The following IPO9 variants were observed in gnomAD, a reference collection of about 807,000 sequenced individuals.
IPO9 encodes importin-9.
Under a neutral mutation model 128.6 loss-of-function variants are expected in IPO9, and 28 were observed. The ratio of observed to expected loss-of-function variants is 0.22; its 90% CI spans 0.16 to 0.30. The LOEUF is 0.30. Ranked by LOEUF, IPO9 falls within the 10% of genes least tolerant of loss-of-function variation. The probability of loss-of-function intolerance (pLI) is 1.00; values close to 1 mark genes in which losing one functional copy is unlikely to be tolerated. For missense variants in IPO9, 935 were observed against 1,293.9 expected, an observed-to-expected ratio of 0.72 and a Z score of 4.26; for synonymous variants, 455 against 475.8, an observed-to-expected ratio of 0.96 and a Z score of 0.57.
Position 201,871,179 on chromosome 1 carries a change from G to C in IPO9, c.2428G>C (p.Ala810Pro). The C allele has an allele frequency of 6.2e-7, 1 of 1,613,032 alleles. No homozygotes were observed. ...CTCCTAGTCCCTGATCATGGTGTTC[G>C]CTCATCTGGTGCACACTCAGCTAGA... is the stretch of plus-strand genomic sequence containing the variant. The part of the protein sequence containing the change: ...SVMQSLIMVF[A>P]HLVHTQLEPL... Residue 810 changes from alanine (A) to proline (P), a missense_variant, in exon 19 of 24, where the codon GCT becomes CCT. Around this residue, in one of 3 missense-constraint regions of IPO9, gnomAD observed 741 missense variants for 1,019.1 expected, o/e 0.73. Coordinates refer to ENST00000361565, the MANE Select transcript of IPO9 (RefSeq NM_018085.5).
At chr1:201,832,011 C>G (rs1304871575) in intron 1 of IPO9, among the ~76,000 whole-genome samples, 1 of 151,852 alleles carries the variant, frequency 6.6e-6, no homozygotes, top group Non-Finnish European at 1.5e-5. Flanking sequence ...AAGCAATTCT[C>G]CTGCCTCAGC....
chr1:201,877,377 C>T lies in IPO9; in HGVS notation c.*1323C>T, dbSNP rs947579034. 6 of 152,120 alleles carry T rather than the reference C, an allele frequency of 3.9e-5. No homozygotes were observed. Among genetic ancestry groups the T allele is most frequent in the Non-Finnish European group, 7.3e-5 (5 of 68,052 alleles). The allele number at this position is 152,120 out of a possible 1,614,324, so 9.4% of individuals were successfully genotyped here. ...ATTAGCTGGGCATGGTGGTGCATGC[C>T]TGTAATCCCAGTTAACTTGAGATGC... is the stretch of plus-strand genomic sequence containing the variant. On this transcript the variant is annotated 3_prime_UTR_variant, in exon 24 of 24. Transcript: ENST00000361565.
intron 4 of IPO9, among the ~76,000 whole-genome samples, chr1:201,849,722 G>A (rs765247887): frequency 6.6e-6 from 1 of 152,220 alleles, no homozygotes; most frequent in African/African-American, 2.4e-5. Context: ...TCAGACCCCA[G>A]CTGCCTTTTT....
At position 201,850,256 on chromosome 1, in the gene IPO9, G is replaced by A. The variant is rs12045460; in HGVS notation, c.514+1662G>A. ...AGCCAAGCCCCATTCCCAAATACTTGCTCCAAATATTTTCAAACGAGAGTA... is the reference window on the plus strand; with the variant it reads ...AGCCAAGCCCCATTCCCAAATACTTACTCCAAATATTTTCAAACGAGAGTA... On this transcript the variant is annotated intron_variant, in intron 4 of 23. Coordinates refer to ENST00000361565, the MANE Select transcript of IPO9 (RefSeq NM_018085.5). 2.5e-4 allele frequency among the ~76,000 whole-genome samples: 38 copies of A among 152,276 alleles called. No homozygotes were observed. The East Asian group carries it at 6.7e-3, about 27-fold the overall frequency.
chr1:201,871,696 A>ATTTC (rs1179107562), intron 19 of IPO9, among the ~76,000 whole-genome samples: 1 of 151,766 alleles, frequency 6.6e-6, no homozygotes, highest in Non-Finnish European at 1.5e-5. Flanking sequence ...CCTGACACAT[A>ATTTC]TTTCTTTTTT....
chr1:201,867,450 A>G (rs1231898246), intron 15 of IPO9, among the ~76,000 whole-genome samples: 2 of 152,178 alleles, frequency 1.3e-5, no homozygotes, highest in Non-Finnish European at 2.9e-5. Flanking sequence ...AATACTGTGC[A>G]GCCATTAAAA....
intron 14 of IPO9, among the ~76,000 whole-genome samples, chr1:201,863,944 A>T (rs1011355166): frequency 3.9e-5 from 6 of 152,258 alleles, no homozygotes; most frequent in African/African-American, 1.4e-4. Context: ...TAGAAGCAGG[A>T]TTAGAGTCCA....
intron 13 of IPO9, 32 bp downstream of exon 13, chr1:201,859,026 A>G (rs2102881103): frequency 6.3e-7 from 1 of 1,587,026 alleles, no homozygotes; most frequent in Non-Finnish European, 8.6e-7. Context: ...GATTCTAGAA[A>G]CTCTTTAAAC....
intron 23 of IPO9, among the ~76,000 whole-genome samples, chr1:201,875,504 C>T (rs910550823): frequency 1.3e-5 from 2 of 151,626 alleles, no homozygotes; most frequent in East Asian, 1.9e-4. Context: ...GTGGGAGGAT[C>T]GCTTGAGGCC....
At chr1:201,857,234 A>T (rs750761123) in intron 11 of IPO9, 40 bp downstream of exon 11, 70 of 1,298,348 alleles carry the variant, frequency 5.4e-5, no homozygotes, top group Non-Finnish European at 6.5e-5. Flanking sequence ...AATTTCTATC[A>T]GTCACTTGAG....
At chr1:201,868,991 G>A (rs920463248) in intron 16 of IPO9, among the ~76,000 whole-genome samples, 195 bp downstream of exon 16, 20 of 152,312 alleles carry the variant, frequency 1.3e-4, no homozygotes, top group Admixed American at 1.1e-3. Context: ...GGTGGCTCAT[G>A]CCTATAATTG....
Position 201,868,120 on chromosome 1 carries a change from A to G in IPO9, c.1856-528A>G, listed in dbSNP as rs1680588564. On this transcript the variant is annotated intron_variant, in intron 15 of 23. Coordinates refer to ENST00000361565, the MANE Select transcript of IPO9 (RefSeq NM_018085.5). ...TTCTATAGATAAAGAAGATTGAGCT[A>G]AAGTTCCCTTTCTTCATAAGGCTCT... Among the ~76,000 whole-genome samples, 3 of 152,216 alleles carry G rather than the reference A, an allele frequency of 2.0e-5. No homozygotes were observed. The South Asian group carries it at 6.2e-4, about 31-fold the overall frequency.
intron 4 of IPO9, among the ~76,000 whole-genome samples, chr1:201,849,741 C>T (rs775604672): frequency 6.6e-6 from 1 of 152,168 alleles, no homozygotes. Flanking sequence ...TTGAATTACC[C>T]ACTATATTCG....
At chr1:201,840,633 C>CT (rs1397036097) in intron 1 of IPO9, among the ~76,000 whole-genome samples, 1 of 151,972 alleles carries the variant, frequency 6.6e-6, no homozygotes, top group African/African-American at 2.4e-5. Flanking sequence ...TAGAAAAAAA[C>CT]TAACTGTCCA....
intron 22 of IPO9, 71 bp from the exon 23 acceptor site, chr1:201,875,081 A>G: frequency 7.0e-7 from 1 of 1,428,962 alleles, no homozygotes; most frequent in Non-Finnish European, 9.9e-7. Context: ...GTCATGTGGT[A>G]GTATATCACC....
rs780350377 is a variant in IPO9 at position 201,871,111 on chromosome 1, A to G, written c.2410-50A>G. On this transcript the variant is annotated intron_variant, in intron 18 of 23. Coordinates refer to ENST00000361565, the MANE Select transcript of IPO9 (RefSeq NM_018085.5). ...ACTGGCCAGTTCCCTCTCATCTCCTATGTCTCTGAAATTGATTTCCCTGAA... is the reference window on the plus strand; with the variant it reads ...ACTGGCCAGTTCCCTCTCATCTCCTGTGTCTCTGAAATTGATTTCCCTGAA... The G allele has an allele frequency of 4.4e-6, 7 of 1,575,552 alleles. No individual in the cohort carries two copies. The East Asian group carries it at 6.7e-5, about 15-fold the overall frequency.
In IPO9 at chr1:201,829,387, A is replaced by G. The variant is rs1679784321; in HGVS notation, c.163+15A>G. On this transcript the variant is annotated intron_variant, in intron 1 of 23. Coordinates refer to ENST00000361565, the MANE Select transcript of IPO9 (RefSeq NM_018085.5). Reference sequence around the variant, plus strand: ...GGTGACGGAGGGTGAGTGAGGCGGGACCGTCACGAGGATGGCTCAGCCGCA... The same window carrying G: ...GGTGACGGAGGGTGAGTGAGGCGGGGCCGTCACGAGGATGGCTCAGCCGCA... The G allele has an allele frequency of 6.4e-7, 1 of 1,550,576 alleles. No individual in the cohort carries two copies. Among genetic ancestry groups the G allele is most frequent in the Non-Finnish European group, 8.7e-7 (1 of 1,148,804 alleles).
chr1:201,829,245 G>C lies in IPO9; in HGVS notation c.36G>C (p.Gly12=). The change falls in exon 1 of 24, where the codon GGG becomes GGC. Residue 12 remains glycine, a synonymous_variant. Transcript: ENST00000361565. ...CGGCGGCAGCTGGTGCGGCCTCCGG[G>C]CTGCCGGGTCCAGTGGCACAAGGAT... The part of the protein sequence containing the change: ...AAAAAAGAAS[G]LPGPVAQGLK... 1 of 1,580,692 alleles carries C rather than the reference G, an allele frequency of 6.3e-7. No homozygotes were observed. Among genetic ancestry groups the C allele is most frequent in the African/African-American group, 1.4e-5 (1 of 71,954 alleles).
At chr1:201,840,039 C>G (rs1467733812) in intron 1 of IPO9, among the ~76,000 whole-genome samples, 1 of 152,188 alleles carries the variant, frequency 6.6e-6, no homozygotes, top group African/African-American at 2.4e-5. Context: ...GAAATATAAT[C>G]TAAAACAACA....
Sources: gnomAD v4.1 joint callset for allele counts (sites outside exome capture counted in the v4.1 genomes callset) on GRCh38, gnomAD v4.1.1 for gene constraint, gnomAD v4.1.1 regional missense constraint, MANE v1.5 for transcripts, NCBI Gene and HGNC (gene_info 2026-07-23, HGNC 2026-07-21) for gene names.